Variants in SERPINB2 observed in about 807,000 individuals in gnomAD.
SERPINB2 encodes the protein plasminogen activator inhibitor 2.
In SERPINB2, 28 loss-of-function variants were observed where a neutral mutation model predicts 39.4. The ratio of observed to expected loss-of-function variants is 0.71; its 90% CI spans 0.53 to 0.97. The LOEUF is 0.97. Among genes scored for constraint, SERPINB2 ranks in the 50% least tolerant of loss-of-function variants. The probability of loss-of-function intolerance (pLI) is 0.00; values close to 1 mark genes in which losing one functional copy is unlikely to be tolerated. For synonymous variants in SERPINB2, 209 were observed against 175.1 expected (o/e 1.19, Z -1.53); for missense variants, 557 against 505.3 (o/e 1.10, Z -0.98).
In SERPINB2 at chr18:63,903,176, A is replaced by T; in HGVS notation, c.1119A>T (p.Thr373=). ...AGGGCACTGAAGCAGCCGCTGGCACAGGAGGTGTTATGACAGGGAGAACTG... is the reference window on the plus strand; with the variant it reads ...AGGGCACTGAAGCAGCCGCTGGCACTGGAGGTGTTATGACAGGGAGAACTG... The part of the protein sequence containing the change: ...NEEGTEAAAG[T]GGVMTGRTGH... The change falls in exon 8 of 8, where the codon ACA becomes ACT. Residue 373 remains threonine (T), a synonymous_variant. Transcript: ENST00000299502. 1 of 1,613,730 alleles carries T rather than the reference A, an allele frequency of 6.2e-7. No homozygotes were observed. Among genetic ancestry groups the T allele is most frequent in the South Asian group, 1.1e-5 (1 of 91,050 alleles).
intron 7 of SERPINB2, 41 bp downstream of exon 7, chr18:63,902,609 C>T: frequency 6.6e-7 from 1 of 1,521,852 alleles, no homozygotes; most frequent in Middle Eastern, 1.8e-4. Flanking sequence ...GCTATACCTA[C>T]CTTTCGTGAG....
chr18:63,888,529 A>G (rs1275438034), intron 1 of SERPINB2, among the ~76,000 whole-genome samples: 1 of 152,190 alleles, frequency 6.6e-6, no homozygotes, highest in East Asian at 1.9e-4. Context: ...TTTGTGGTCA[A>G]TTTCAAAATA....
Position 63,891,443 on chromosome 18 carries a change from C to G in SERPINB2, c.-2C>G. 6.2e-7 allele frequency: 1 copy of G among 1,613,324 alleles called. No individual in the cohort carries two copies. On this transcript the variant is annotated 5_prime_UTR_variant, in exon 2 of 8. Coordinates refer to ENST00000299502, the MANE Select transcript of SERPINB2 (RefSeq NM_002575.3). Reference sequence around the variant, plus strand: ...TCCTCTCTTTGCTTCTAGATTGAAACAATGGAGGATCTTTGTGTGGCAAAC... The same window carrying G: ...TCCTCTCTTTGCTTCTAGATTGAAAGAATGGAGGATCTTTGTGTGGCAAAC...
rs1167138496 is a variant in SERPINB2 at position 63,903,450 on chromosome 18, A to G, written c.*145A>G. ...CTTCTGCTACCCACTAAATAAAAAC[A>G]CAGAAATAATTAGACAATTGTCTAT... On this transcript the variant is annotated 3_prime_UTR_variant, in exon 8 of 8. Coordinates refer to ENST00000299502, the MANE Select transcript of SERPINB2 (RefSeq NM_002575.3). 2.9e-6 allele frequency: 2 copies of G among 682,864 alleles called. No homozygotes were observed. Among genetic ancestry groups the G allele is most frequent in the Non-Finnish European group, 4.4e-6 (2 of 459,130 alleles). 42.3% of individuals were successfully genotyped at this position (682,864 alleles called of 1,614,324 possible).
chr18:63,897,527 G>A (rs138194538), intron 4 of SERPINB2, among the ~76,000 whole-genome samples, 200 bp from the exon 5 acceptor site: 1 of 151,954 alleles, frequency 6.6e-6, no homozygotes, highest in Non-Finnish European at 1.5e-5. Context: ...GAGTACAAGA[G>A]GGTGGATAGA....
intron 2 of SERPINB2, among the ~76,000 whole-genome samples, chr18:63,893,309 G>C (rs1387601257): frequency 1.3e-5 from 2 of 152,194 alleles, no homozygotes; most frequent in Non-Finnish European, 2.9e-5. Flanking sequence ...GCTCTGGGTT[G>C]TTAAAGTAAA....
At chr18:63,894,682 A>G (rs1311761550) in intron 2 of SERPINB2, among the ~76,000 whole-genome samples, 1 of 152,214 alleles carries the variant, frequency 6.6e-6, no homozygotes, top group Admixed American at 6.5e-5. Context: ...CCTACTTACT[A>G]TACGAAGAGA....
Position 63,891,450 on chromosome 18 carries a change from G to A in SERPINB2, c.6G>A (p.Glu2=), listed in dbSNP as rs1222382087. Residue 2 remains glutamate, a synonymous_variant, in exon 2 of 8, where the codon GAG becomes GAA. Coordinates refer to ENST00000299502, the MANE Select transcript of SERPINB2 (RefSeq NM_002575.3). The part of the protein sequence containing the change: M[E]DLCVANTLFA... Reference sequence around the variant, plus strand: ...TTTGCTTCTAGATTGAAACAATGGAGGATCTTTGTGTGGCAAACACACTCT... The same window carrying A: ...TTTGCTTCTAGATTGAAACAATGGAAGATCTTTGTGTGGCAAACACACTCT... The A allele has an allele frequency of 3.7e-6, 6 of 1,614,046 alleles. No individual in the cohort carries two copies. The highest frequency in any genetic ancestry group is 1.1e-5 in the South Asian group (1 of 91,072).
intron 5 of SERPINB2, among the ~76,000 whole-genome samples, chr18:63,900,616 G>A (rs2049985746): frequency 6.6e-6 from 1 of 152,098 alleles, no homozygotes; most frequent in Admixed American, 6.6e-5. Context: ...AATTTCTAGG[G>A]AACGGGGAAT....
Position 63,902,477 on chromosome 18 carries a change from C to G in SERPINB2, c.752C>G (p.Ala251Gly), listed in dbSNP as rs78653022. ...ATTGGATACATAGAAGACCTAAAGG[C>G]TCAGATTCTAGAACTCCCATATGCT... ...LNIGYIEDLK[A>G]QILELPYAGD... The change falls in exon 7 of 8, where the codon GCT (alanine) becomes GGT (glycine). Residue 251 changes from alanine to glycine, a missense_variant. Transcript: ENST00000299502. The G allele has an allele frequency of 5.6e-5, 91 of 1,613,624 alleles. No homozygotes were observed. The East Asian group carries it at 1.6e-3, about 28-fold the overall frequency.
At chr18:63,890,510 G>T (rs913294423) in intron 1 of SERPINB2, 1 of 152,210 alleles carries the variant, frequency 6.6e-6, no homozygotes, top group South Asian at 2.1e-4. Flanking sequence ...ACGATCATTG[G>T]TCAGGACCAA....
At chr18:63,897,870 A>C (rs2049970694) in intron 5 of SERPINB2, 26 bp downstream of exon 5, 1 of 1,417,150 alleles carries the variant, frequency 7.1e-7, no homozygotes, top group Non-Finnish European at 9.9e-7. Context: ...TATTTTATTT[A>C]CTTCTTTCCA....
At position 63,903,886 on chromosome 18, in the gene SERPINB2, C is replaced by A. The variant is rs550387580; in HGVS notation, c.*581C>A. The A allele has an allele frequency of 1.3e-5, 2 of 152,242 alleles. No homozygotes were observed. The highest frequency in any genetic ancestry group is 4.8e-5 in the African/African-American group (2 of 41,550). The allele number at this position is 152,242 out of a possible 1,614,324, so 9.4% of individuals were successfully genotyped here. On this transcript the variant is annotated 3_prime_UTR_variant, in exon 8 of 8. Transcript: ENST00000299502. The stretch of plus-strand genomic sequence containing the variant: ...AATAAATAAACCTGCTTCCAAACAA[C>A]AATACATTTGTTGTCATTTCATTAG...
At chr18:63,899,840 A>G (rs938160797) in intron 5 of SERPINB2, among the ~76,000 whole-genome samples, 1 of 152,238 alleles carries the variant, frequency 6.6e-6, no homozygotes, top group Non-Finnish European at 1.5e-5. Context: ...TGGAAAATGC[A>G]CATAAACTAA....
intron 4 of SERPINB2, 97 bp downstream of exon 4, chr18:63,897,316 A>C (rs1388107940): frequency 6.9e-7 from 1 of 1,450,342 alleles, no homozygotes. Context: ...ATAAAAGCAG[A>C]GTTGGAATTC....
Position 63,891,536 on chromosome 18 carries a change from C to A in SERPINB2, c.92C>A (p.Ser31Tyr), listed in dbSNP as rs745499235. The A allele has an allele frequency of 1.2e-6, 2 of 1,614,064 alleles. No homozygotes were observed. The highest frequency in any genetic ancestry group is 2.7e-5 in the African/African-American group (2 of 74,934). ...AGCCCCACCCAGAACCTCTTCCTCT[C>A]CCCATGGAGCATCTCGTCCACCATG... ...KASPTQNLFLSPWSISSTMAM... is the reference protein window; with the variant it reads ...KASPTQNLFLYPWSISSTMAM... Residue 31 changes from serine (S) to tyrosine (Y), a missense_variant, in exon 2 of 8, where the codon TCC becomes TAC. Transcript: ENST00000299502.
rs945693026 is a variant in SERPINB2, at chr18:63,895,472, C to T, written c.288+89C>T. 2.0e-5 allele frequency: 30 copies of T among 1,465,556 alleles called. 1 individual carries two copies. The highest frequency in any genetic ancestry group is 1.7e-4 in the Middle Eastern group (1 of 5,780). The allele number at this position is 1,465,556 out of a possible 1,614,324, so 90.8% of individuals were successfully genotyped here. A position where few individuals can be genotyped will look rare whatever the true frequency, so the allele number is the denominator to read the frequency against. ...CCACAGTGTCAGACTGGGAAGGAAG[C>T]GAATATACCCTCCCCCATTCACAGA... On this transcript the variant is annotated intron_variant, in intron 3 of 7. Coordinates refer to ENST00000299502, the MANE Select transcript of SERPINB2 (RefSeq NM_002575.3).
At chr18:63,901,106 C>T (rs897229809) in intron 5 of SERPINB2, among the ~76,000 whole-genome samples, 58 of 151,998 alleles carry the variant, frequency 3.8e-4, no homozygotes, top group Admixed American at 2.9e-3. Context: ...TCAATCTTCT[C>T]GGGCTTACTC....
chr18:63,900,620 G>A (rs1049390798), intron 5 of SERPINB2, among the ~76,000 whole-genome samples: 4 of 152,098 alleles, frequency 2.6e-5, no homozygotes, highest in South Asian at 2.1e-4. Context: ...TCTAGGGAAC[G>A]GGGAATAACT....
Sources: gnomAD v4.1 joint callset for allele counts (sites outside exome capture counted in the v4.1 genomes callset) on GRCh38, gnomAD v4.1.1 for gene constraint, MANE v1.5 for transcripts, NCBI Gene and HGNC (gene_info 2026-07-23, HGNC 2026-07-21) for gene names.